Variants in DCAF8 observed in about 807,000 individuals in gnomAD.
The protein encoded by DCAF8 is DDB1- and CUL4-associated factor 8.
Under a neutral mutation model 68.0 loss-of-function variants are expected in DCAF8, and 20 were observed. That is an observed-to-expected ratio of 0.29 (90% CI 0.21 to 0.43). The LOEUF is 0.43. Ranked by LOEUF, DCAF8 falls within the 20% of genes least tolerant of loss-of-function variation. DCAF8 has a pLI of 1.00. For synonymous variants in DCAF8, 230 were observed against 276.9 expected (o/e 0.83, Z 1.68); for missense variants, 460 against 771.0 (o/e 0.60, Z 4.78).
Position 160,222,794 on chromosome 1 carries a change from A to G in DCAF8, c.1310-13T>C, listed in dbSNP as rs1032128621. On this transcript the variant is annotated splice_polypyrimidine_tract_variant and intron_variant, in intron 10 of 13. Transcript: ENST00000368074. ...TTGACGCCTTTTACTGAAATGATAA[A>G]TGAGGGAAGAAACCACATGAGGGTT... 2 of 1,614,044 alleles carry G rather than the reference A, an allele frequency of 1.2e-6. No individual in the cohort carries two copies. Among genetic ancestry groups the G allele is most frequent in the African/African-American group, 2.7e-5 (2 of 74,936 alleles).
chr1:160,239,399 A>G, intron 4 of DCAF8: 2 of 1,414,882 alleles, frequency 1.4e-6, no homozygotes, highest in East Asian at 5.1e-5. Context: ...CTAGGATTTG[A>G]ACTCAGGCAG....
In DCAF8 at chr1:160,246,070, G is replaced by A. The variant is rs527847364; in HGVS notation, c.-26-2036C>T. ...GGGGAATTGCTTGAACCTGGGAGGC[G>A]GAGGTTGTGGTGAGCCGAGATCGTG... is the stretch of plus-strand genomic sequence containing the variant. On this transcript the variant is annotated intron_variant, in intron 2 of 13. Transcript: ENST00000368074. 4.6e-5 allele frequency among the ~76,000 whole-genome samples: 7 copies of A among 152,160 alleles called. No homozygotes were observed. In the South Asian group the frequency reaches 6.2e-4, roughly 14 times the overall value.
chr1:160,239,310 A>G, intron 4 of DCAF8: 3 of 1,178,004 alleles, frequency 2.5e-6, no homozygotes, highest in Non-Finnish European at 2.2e-6. Context: ...CCTATGTGTT[A>G]TTAGTCCCAT....
At chr1:160,251,491 T>A (rs1340569839) in intron 2 of DCAF8, among the ~76,000 whole-genome samples, 2 of 152,222 alleles carry the variant, frequency 1.3e-5, no homozygotes, top group African/African-American at 4.8e-5. Context: ...TCTTTTTTTT[T>A]TAAGACAGGG....
chr1:160,239,684 T>G lies in DCAF8; in HGVS notation c.723+13A>C. The stretch of plus-strand genomic sequence containing the variant: ...CTGATTCTCTCAGTTGCTATTATGC[T>G]CCCTTGCCTCACCTGGAACACATTA... On this transcript the variant is annotated intron_variant, in intron 4 of 13. Coordinates refer to ENST00000368074, the MANE Select transcript of DCAF8 (RefSeq NM_015726.4). The G allele has an allele frequency of 6.2e-7, 1 of 1,614,228 alleles. No individual in the cohort carries two copies. The highest frequency in any genetic ancestry group is 8.5e-7 in the Non-Finnish European group (1 of 1,180,028).
intron 2 of DCAF8, among the ~76,000 whole-genome samples, chr1:160,261,080 G>A (rs748045176): frequency 2.0e-5 from 3 of 152,176 alleles, no homozygotes; most frequent in Non-Finnish European, 4.4e-5. Context: ...GAGATACACA[G>A]CAATAGTTTA....
Position 160,262,523 on chromosome 1 carries a change from G to A in DCAF8, c.-175C>T. On this transcript the variant is annotated 5_prime_UTR_variant, in exon 1 of 14. The change creates a new upstream start codon in the 5' untranslated region. Coordinates refer to ENST00000368074, the MANE Select transcript of DCAF8 (RefSeq NM_015726.4). ...CTGCGCTGCCACGCTTTCCGGCCCC[G>A]TTTGCGACGATGTGCTCGAGAAGAC... The A allele has an allele frequency of 2.5e-6, 1 of 399,366 alleles. No homozygotes were observed. Among genetic ancestry groups the A allele is most frequent in the Admixed American group, 4.4e-5 (1 of 22,726 alleles). 24.7% of individuals were successfully genotyped at this position (399,366 alleles called of 1,614,324 possible).
chr1:160,221,873 A>G (rs531438360), intron 11 of DCAF8, among the ~76,000 whole-genome samples: 10 of 151,118 alleles, frequency 6.6e-5, no homozygotes, highest in Non-Finnish European at 1.3e-4. Flanking sequence ...TTAAGAGCTG[A>G]TTGCTCTTCA....
At position 160,237,197 on chromosome 1, in the gene DCAF8, G is replaced by A. The variant is rs1345725281; in HGVS notation, c.897C>T (p.Phe299=). Residue 299 remains phenylalanine (F), a synonymous_variant, in exon 6 of 14, where the codon TTC becomes TTT. Coordinates refer to ENST00000368074, the MANE Select transcript of DCAF8 (RefSeq NM_015726.4). ...CAACTGCATCTTCACCTGCAGATAA[G>A]AACGTACAGGGAGAGTCTGGTTCCA... ...LALEPDSPCT[F]LSAGEDAVVF... 1 of 1,577,986 alleles carries A rather than the reference G, an allele frequency of 6.3e-7. No homozygotes were observed. Among genetic ancestry groups the A allele is most frequent in the South Asian group, 1.2e-5 (1 of 86,132 alleles).
Position 160,246,155 on chromosome 1 carries a change from A to T in DCAF8, c.-26-2121T>A, listed in dbSNP as rs60271354. Among the ~76,000 whole-genome samples the T allele has an allele frequency of 5.2e-3, 793 of 152,078 alleles. 7 individuals carry two copies. Among genetic ancestry groups the T allele is most frequent in the African/African-American group, 0.017 (725 of 41,500 alleles). The stretch of plus-strand genomic sequence containing the variant: ...AAACTCCGTCTCAAAAAAAAAAATT[A>T]AAAAAAACTTATAAACTAAGGTAAT... On this transcript the variant is annotated intron_variant, in intron 2 of 13. Coordinates refer to ENST00000368074, the MANE Select transcript of DCAF8 (RefSeq NM_015726.4).
chr1:160,244,556 G>T (rs1000627904), intron 2 of DCAF8, among the ~76,000 whole-genome samples: 1 of 152,016 alleles, frequency 6.6e-6, no homozygotes, highest in Non-Finnish European at 1.5e-5. Flanking sequence ...TCAACCTCTT[G>T]GGGGAAGAGA....
intron 2 of DCAF8, among the ~76,000 whole-genome samples, chr1:160,252,157 C>T (rs374322596): frequency 6.6e-6 from 1 of 152,132 alleles, no homozygotes. Context: ...TGCTGTTACA[C>T]AACAGCATTG....
At chr1:160,219,011 G>A (rs1342781625) in intron 11 of DCAF8, 43 bp from the exon 12 acceptor site, 1 of 1,609,776 alleles carries the variant, frequency 6.2e-7, no homozygotes, top group Admixed American at 1.7e-5. Flanking sequence ...CAGTGTGTGG[G>A]AGTAGGGTTT....
chr1:160,259,072 C>T (rs1484308201), intron 2 of DCAF8, among the ~76,000 whole-genome samples: 1 of 152,148 alleles, frequency 6.6e-6, no homozygotes, highest in Non-Finnish European at 1.5e-5. Flanking sequence ...TTCATCAAAC[C>T]TAAAATGGTC....
At chr1:160,246,111 C>T (rs1057056035) in intron 2 of DCAF8, among the ~76,000 whole-genome samples, 2 of 151,886 alleles carry the variant, frequency 1.3e-5, no homozygotes, top group African/African-American at 4.8e-5. Context: ...GCACCCCATC[C>T]AGCCTGGGCA....
At chr1:160,218,510 G>C in intron 12 of DCAF8, 70 bp from the exon 13 acceptor site, 1 of 1,152,166 alleles carries the variant, frequency 8.7e-7, no homozygotes, top group Non-Finnish European at 1.3e-6. Context: ...CAAGAAGGCT[G>C]ATCTCCTATC....
rs1252263555 is a variant in DCAF8, at chr1:160,240,299, C to A, written c.121G>T (p.Val41Leu). ...CTCAAACTCAGGTCTGAGGCCTCCACTTCAATGCCTGAGGATGTCTCCCTC... is the reference window on the plus strand; with the variant it reads ...CTCAAACTCAGGTCTGAGGCCTCCAATTCAATGCCTGAGGATGTCTCCCTC... ...EGRETSSGIEVEASDLSLSLT... is the reference protein window; with the variant it reads ...EGRETSSGIELEASDLSLSLT... The change falls in exon 4 of 14, where the codon GTG becomes TTG. Residue 41 changes from valine to leucine, a missense_variant. Physicochemically the swap from Val to Leu is conservative, Grantham distance 32. This residue lies in a region of DCAF8 where 156 missense variants were observed against 181.4 expected (regional missense o/e 0.86). Transcript: ENST00000368074. 1 of 1,614,014 alleles carries A rather than the reference C, an allele frequency of 6.2e-7. No individual in the cohort carries two copies. The highest frequency in any genetic ancestry group is 1.3e-5 in the African/African-American group (1 of 75,046).
rs372675855 is a variant in DCAF8, at chr1:160,240,402, G to A, written c.50-32C>T. 7 of 1,545,280 alleles carry A rather than the reference G, an allele frequency of 4.5e-6. No homozygotes were observed. The African/African-American group carries it at 9.6e-5, about 21-fold the overall frequency. ...GTTAGTGAGGAAGGAGTAGAGGAGA[G>A]GGAAAAATAAGAAAACAGGATAGTG... On this transcript the variant is annotated intron_variant, in intron 3 of 13. Coordinates refer to ENST00000368074, the MANE Select transcript of DCAF8 (RefSeq NM_015726.4).
intron 7 of DCAF8, among the ~76,000 whole-genome samples, chr1:160,230,449 T>C (rs1655638337): frequency 6.6e-6 from 1 of 152,154 alleles, no homozygotes; most frequent in Non-Finnish European, 1.5e-5. Context: ...GAATCCACAG[T>C]GTCTGTTTTC....
Sources: allele counts gnomAD v4.1 joint callset (sites outside exome capture counted in the v4.1 genomes callset), GRCh38; gene constraint gnomAD v4.1.1; regional missense constraint gnomAD v4.1.1; transcripts MANE v1.5; gene names NCBI Gene and HGNC (gene_info 2026-07-23, HGNC 2026-07-21).